RARB: variants seen among roughly 807,000 people sequenced by gnomAD.
RARB encodes retinoic acid receptor beta, also known as HBV-activated protein.
In RARB, 17 loss-of-function variants were observed where a neutral mutation model predicts 51.9. The observed-to-expected ratio is 0.33, with a 90% CI of 0.22 to 0.49. RARB has a LOEUF of 0.49. Ranked by LOEUF, RARB falls within the 20% of genes least tolerant of loss-of-function variation. RARB has a pLI of 0.99. For missense variants in RARB, 369 were observed against 550.8 expected, an observed-to-expected ratio of 0.67 and a Z score of 3.30; for synonymous variants, 215 against 195.4, an observed-to-expected ratio of 1.10 and a Z score of -0.84.
intron 5 of RARB, among the ~76,000 whole-genome samples, chr3:25,196,437 A>T (rs1701238864): frequency 6.6e-6 from 1 of 152,142 alleles, no homozygotes; most frequent in Non-Finnish European, 1.5e-5. Context: ...TCCACAGTGT[A>T]TATGTGCCAC....
At chr3:25,201,586 T>C (rs1329946035) in intron 5 of RARB, among the ~76,000 whole-genome samples, 3 of 152,188 alleles carry the variant, frequency 2.0e-5, no homozygotes, top group Admixed American at 6.5e-5. Flanking sequence ...ATAGCTCTTA[T>C]TATTTTGAGA....
chr3:25,207,959 A>G (rs1269491731), intron 5 of RARB, among the ~76,000 whole-genome samples: 1 of 151,900 alleles, frequency 6.6e-6, no homozygotes, highest in Non-Finnish European at 1.5e-5. Flanking sequence ...GGTTTTACTC[A>G]TGGCAGAAAG....
chr3:25,398,807 A>G (rs1178182385), intron 5 of RARB, among the ~76,000 whole-genome samples: 1 of 152,254 alleles, frequency 6.6e-6, no homozygotes, highest in Non-Finnish European at 1.5e-5. Context: ...ATGCATGTGT[A>G]TATAAATGTT....
chr3:24,846,178 A>G (rs1702484158), intron 1 of RARB, among the ~76,000 whole-genome samples: 1 of 152,202 alleles, frequency 6.6e-6, no homozygotes, highest in African/African-American at 2.4e-5. Flanking sequence ...TGGCTCTGCA[A>G]TCTGCCTGCT....
At chr3:25,320,571 T>G (rs79536579) in intron 5 of RARB, among the ~76,000 whole-genome samples, 1,898 of 152,328 alleles carry the variant, frequency 0.012, 49 homozygotes, top group African/African-American at 0.044. Context: ...TTCTTGCATT[T>G]TACTTTGTTC....
chr3:25,057,719 TATG>T (rs1317411686), intron 2 of RARB, among the ~76,000 whole-genome samples: 7 of 152,040 alleles, frequency 4.6e-5, no homozygotes, highest in Admixed American at 4.6e-4. Context: ...ATTTTAAGAA[TATG>T]ATGAGTCCTT....
intron 5 of RARB, among the ~76,000 whole-genome samples, chr3:25,348,747 C>T (rs1040790884): frequency 6.6e-6 from 1 of 152,152 alleles, no homozygotes. Context: ...AAGTTCTAAT[C>T]TTTTCTCCCT....
chr3:24,850,496 A>T (rs1702542026), intron 1 of RARB, among the ~76,000 whole-genome samples: 1 of 152,208 alleles, frequency 6.6e-6, no homozygotes, highest in Non-Finnish European at 1.5e-5. Context: ...AAATGTGAAC[A>T]ATATTGCATT....
At chr3:25,236,233 C>A (rs1220310938) in intron 5 of RARB, among the ~76,000 whole-genome samples, 2 of 152,082 alleles carry the variant, frequency 1.3e-5, no homozygotes, top group Admixed American at 6.6e-5. Context: ...ATGCTAATTG[C>A]AAGAATTGGA....
chr3:25,168,417 G>C (rs912139022), intron 4 of RARB, among the ~76,000 whole-genome samples: 4 of 151,832 alleles, frequency 2.6e-5, no homozygotes, highest in Non-Finnish European at 2.9e-5. Flanking sequence ...GTAGAGACAG[G>C]GTTTCACCAT....
intron 2 of RARB, among the ~76,000 whole-genome samples, chr3:24,977,178 T>C (rs1394453643): frequency 6.6e-6 from 1 of 152,210 alleles, no homozygotes. Context: ...GTAGTATAGT[T>C]TGAAGTCAGG....
chr3:25,451,427 A>G (rs1709189466), intron 1 of RARB, among the ~76,000 whole-genome samples: 1 of 152,178 alleles, frequency 6.6e-6, no homozygotes, highest in Non-Finnish European at 1.5e-5. Context: ...GGCTCATGGC[A>G]TTTTCTTTCT....
chr3:25,081,690 T>TGG (rs1699007075), intron 3 of RARB, among the ~76,000 whole-genome samples: 1 of 128,814 alleles, frequency 7.8e-6, no homozygotes, highest in African/African-American at 2.9e-5. Context: ...TGGAGTGCAG[T>TGG]GGCTCAATCT....
chr3:25,487,255 T>A, intron 2 of RARB, among the ~76,000 whole-genome samples: 1 of 152,210 alleles, frequency 6.6e-6, no homozygotes, highest in East Asian at 1.9e-4. Flanking sequence ...TAAAGTTATG[T>A]CCACTAAATG....
intron 2 of RARB, among the ~76,000 whole-genome samples, chr3:25,025,363 A>C (rs1043635557): frequency 6.6e-6 from 1 of 152,146 alleles, no homozygotes; most frequent in African/African-American, 2.4e-5. Flanking sequence ...ACTTGTCTGC[A>C]CATATTAAGT....
chr3:25,154,766 T>C (rs1243915428), intron 4 of RARB, among the ~76,000 whole-genome samples: 1 of 152,216 alleles, frequency 6.6e-6, no homozygotes, highest in African/African-American at 2.4e-5. Context: ...CTTGCCCAGT[T>C]CAGTTGTCAC....
At chr3:25,110,652 G>A (rs1281286087) in intron 3 of RARB, among the ~76,000 whole-genome samples, 1 of 152,118 alleles carries the variant, frequency 6.6e-6, no homozygotes, top group African/African-American at 2.4e-5. Flanking sequence ...CTGTAATTAT[G>A]TCTTATTTCA....
At chr3:25,452,787 A>G (rs1001297883) in intron 1 of RARB, among the ~76,000 whole-genome samples, 2 of 152,138 alleles carry the variant, frequency 1.3e-5, no homozygotes, top group Non-Finnish European at 2.9e-5. Flanking sequence ...CCCTCTCCTC[A>G]TGGTATGGGG....
chr3:25,208,090 A>T (rs768458547), intron 5 of RARB, among the ~76,000 whole-genome samples: 9 of 152,130 alleles, frequency 5.9e-5, no homozygotes, highest in Admixed American at 2.6e-4. Context: ...CTCACTCATT[A>T]TTGCAAGGAC....
Sources: allele counts gnomAD v4.1 joint callset (sites outside exome capture counted in the v4.1 genomes callset), GRCh38; gene constraint gnomAD v4.1.1; transcripts MANE v1.5; gene names NCBI Gene and HGNC (gene_info 2026-07-23, HGNC 2026-07-21).